NRG3: variants seen among roughly 807,000 people sequenced by gnomAD.
NRG3 encodes neuregulin 3, also known as pro-neuregulin-3, membrane-bound isoform.
NRG3 carries 31 observed loss-of-function variants against 66.9 expected under a neutral mutation model. That is an observed-to-expected ratio of 0.46 (90% CI 0.35 to 0.63). NRG3 has a LOEUF of 0.63. Among genes scored for constraint, NRG3 ranks in the 20% least tolerant of loss-of-function variants. The pLI is 0.00. For missense variants in NRG3, 910 were observed against 878.9 expected, an observed-to-expected ratio of 1.04 and a Z score of -0.45; for synonymous variants, 393 against 359.4, an observed-to-expected ratio of 1.09 and a Z score of -1.06.
chr10:82,147,012 G>A (rs184162292), intron 1 of NRG3, among the ~76,000 whole-genome samples: 16 of 152,298 alleles, frequency 1.1e-4, no homozygotes, highest in African/African-American at 3.6e-4. Context: ...CCAGGTGGAT[G>A]CCAGGCCTGA....
chr10:82,876,743 G>A (rs116530872), intron 4 of NRG3, among the ~76,000 whole-genome samples: 2,432 of 152,226 alleles, frequency 0.016, 75 homozygotes, highest in African/African-American at 0.056. Context: ...CTCAGAGAGA[G>A]CCAGGCATGG....
chr10:82,666,525 A>C (rs1311427191), intron 2 of NRG3, among the ~76,000 whole-genome samples: 1 of 152,184 alleles, frequency 6.6e-6, no homozygotes, highest in Non-Finnish European at 1.5e-5. Context: ...GCATCTAAAA[A>C]AAATTGATTT....
intron 2 of NRG3, among the ~76,000 whole-genome samples, chr10:82,397,633 C>A (rs1275964850): frequency 6.6e-6 from 1 of 152,102 alleles, no homozygotes; most frequent in African/African-American, 2.4e-5. Flanking sequence ...GTTTTAAATG[C>A]CTGTCAAAAA....
intron 2 of NRG3, among the ~76,000 whole-genome samples, chr10:82,669,021 C>T (rs1408218167): frequency 6.6e-6 from 1 of 152,066 alleles, no homozygotes; most frequent in African/African-American, 2.4e-5. Context: ...GGCCCTTCTC[C>T]TCGTTCTTCT....
At chr10:82,695,577 TG>T (rs1329239161) in intron 2 of NRG3, among the ~76,000 whole-genome samples, 1 of 152,160 alleles carries the variant, frequency 6.6e-6, no homozygotes, top group East Asian at 1.9e-4. Flanking sequence ...AGAAAATTTT[TG>T]TAAGTTTTGA....
chr10:82,079,028 A>C (rs1273226802), intron 1 of NRG3, among the ~76,000 whole-genome samples: 1 of 152,038 alleles, frequency 6.6e-6, no homozygotes, highest in East Asian at 1.9e-4. Flanking sequence ...GTGTTGTATT[A>C]ATTAATGAAT....
chr10:82,532,763 GA>G (rs1020550200), intron 2 of NRG3, among the ~76,000 whole-genome samples: 2 of 151,408 alleles, frequency 1.3e-5, no homozygotes, highest in South Asian at 2.1e-4. Flanking sequence ...TCAAGATCCT[GA>G]TCTCAGTACT....
intron 1 of NRG3, among the ~76,000 whole-genome samples, chr10:81,948,233 T>C (rs1042886162): frequency 1.3e-5 from 2 of 152,182 alleles, no homozygotes; most frequent in African/African-American, 4.8e-5. Context: ...ACAACAACAT[T>C]GAGGGAAAAG....
At chr10:82,516,584 G>T (rs1427471455) in intron 2 of NRG3, among the ~76,000 whole-genome samples, 1 of 152,116 alleles carries the variant, frequency 6.6e-6, no homozygotes, top group Non-Finnish European at 1.5e-5. Context: ...AAAAAATGAG[G>T]ATGTCAAAGT....
chr10:82,489,412 G>C (rs1378542983), intron 2 of NRG3, among the ~76,000 whole-genome samples: 1 of 152,178 alleles, frequency 6.6e-6, no homozygotes, highest in Admixed American at 6.5e-5. Context: ...TATTGCATCA[G>C]CAGCAGTTTC....
At chr10:81,877,175 G>A (rs1452578360) in intron 1 of NRG3, among the ~76,000 whole-genome samples, 4 of 152,274 alleles carry the variant, frequency 2.6e-5, no homozygotes, top group South Asian at 2.1e-4. Context: ...TAGAAAGTGC[G>A]TATTTTCTCA....
intron 1 of NRG3, among the ~76,000 whole-genome samples, chr10:81,899,112 A>C (rs1164710130): frequency 6.6e-6 from 1 of 152,194 alleles, no homozygotes; most frequent in African/African-American, 2.4e-5. Flanking sequence ...TAAGGTCTTA[A>C]TTTTAGATGA....
chr10:81,881,102 T>C (rs1247618072), intron 1 of NRG3, among the ~76,000 whole-genome samples: 1 of 152,084 alleles, frequency 6.6e-6, no homozygotes, highest in Non-Finnish European at 1.5e-5. Flanking sequence ...CCCTAAGACT[T>C]CCTGTACTCC....
chr10:82,723,304 G>A (rs1261271976), intron 2 of NRG3, among the ~76,000 whole-genome samples: 4 of 152,070 alleles, frequency 2.6e-5, no homozygotes, highest in Admixed American at 6.5e-5. Flanking sequence ...TAGACACTGG[G>A]GACTACTGGA....
chr10:82,383,857 G>C (rs916795157), intron 2 of NRG3, among the ~76,000 whole-genome samples: 1 of 151,724 alleles, frequency 6.6e-6, no homozygotes, highest in Non-Finnish European at 1.5e-5. Flanking sequence ...AATGTTCACA[G>C]ATACAAAATT....
intron 1 of NRG3, among the ~76,000 whole-genome samples, chr10:81,986,015 C>A (rs1379171857): frequency 6.6e-6 from 1 of 152,252 alleles, no homozygotes; most frequent in Non-Finnish European, 1.5e-5. Context: ...GGTAGAATGG[C>A]TTGTTTTGTC....
intron 2 of NRG3, among the ~76,000 whole-genome samples, chr10:82,367,679 C>T (rs189695032): frequency 1.7e-4 from 26 of 152,130 alleles, no homozygotes; most frequent in African/African-American, 6.0e-4. Flanking sequence ...TTCAATGCTC[C>T]ACTGCTACTA....
At chr10:82,068,212 A>G (rs763485592) in intron 1 of NRG3, among the ~76,000 whole-genome samples, 6 of 152,248 alleles carry the variant, frequency 3.9e-5, no homozygotes, top group Non-Finnish European at 7.3e-5. Flanking sequence ...AGCTTACAGT[A>G]GAACATAACT....
intron 1 of NRG3, among the ~76,000 whole-genome samples, chr10:82,345,597 G>A (rs1348055347): frequency 3.3e-5 from 5 of 151,286 alleles, no homozygotes. Flanking sequence ...CCAATTCTGT[G>A]AAGAAAGTCA....
Sources: gnomAD v4.1 joint callset for allele counts (sites outside exome capture counted in the v4.1 genomes callset) on GRCh38, gnomAD v4.1.1 for gene constraint, MANE v1.5 for transcripts, NCBI Gene and HGNC (gene_info 2026-07-23, HGNC 2026-07-21) for gene names.